The following PARVA variants were observed in gnomAD, a reference collection of about 807,000 sequenced individuals.
PARVA encodes alpha-parvin.
PARVA carries 25 observed loss-of-function variants against 52.6 expected under a neutral mutation model. The observed-to-expected ratio is 0.48, with a 90% CI of 0.35 to 0.66. The LOEUF (loss-of-function observed/expected upper bound fraction) is 0.66, where lower values mean the gene tolerates loss of function less well. PARVA is among the 30% of genes least tolerant of loss of function. PARVA has a pLI of 0.01. For synonymous variants in PARVA, 185 were observed against 179.1 expected, an observed-to-expected ratio of 1.03 and a Z score of -0.26; for missense variants, 373 against 450.9, an observed-to-expected ratio of 0.83 and a Z score of 1.56.
intron 1 of PARVA, among the ~76,000 whole-genome samples, chr11:12,404,507 G>T (rs1365629832): frequency 1.3e-5 from 2 of 152,262 alleles, no homozygotes; most frequent in Non-Finnish European, 2.9e-5. Context: ...CACAGAAGCA[G>T]AATTTGAAGT....
At chr11:12,449,796 G>A (rs1316916971) in intron 1 of PARVA, among the ~76,000 whole-genome samples, 1 of 152,200 alleles carries the variant, frequency 6.6e-6, no homozygotes, top group African/African-American at 2.4e-5. Flanking sequence ...TCTACAGTGT[G>A]CAGAACAGCC....
At chr11:12,447,862 G>A (rs780819233) in intron 1 of PARVA, among the ~76,000 whole-genome samples, 5 of 152,330 alleles carry the variant, frequency 3.3e-5, no homozygotes, top group Non-Finnish European at 1.5e-5. Flanking sequence ...GACCCCTGTT[G>A]AGGGCCCTGC....
chr11:12,421,175 T>C (rs955656433), intron 1 of PARVA, among the ~76,000 whole-genome samples: 1 of 152,128 alleles, frequency 6.6e-6, no homozygotes, highest in Non-Finnish European at 1.5e-5. Context: ...ACTAAGGATC[T>C]GACCCAGCTA....
At chr11:12,472,896 T>C (rs1940951601) in intron 1 of PARVA, among the ~76,000 whole-genome samples, 1 of 152,152 alleles carries the variant, frequency 6.6e-6, no homozygotes, top group Non-Finnish European at 1.5e-5. Context: ...GTCACACAAC[T>C]GGTTTTGTGG....
At chr11:12,439,487 G>A (rs138722604) in intron 1 of PARVA, among the ~76,000 whole-genome samples, 13 of 152,336 alleles carry the variant, frequency 8.5e-5, no homozygotes, top group Admixed American at 4.6e-4. Flanking sequence ...ATGGGAGCAT[G>A]AAGTAGATGT....
At chr11:12,449,636 A>G (rs1386637816) in intron 1 of PARVA, among the ~76,000 whole-genome samples, 1 of 152,166 alleles carries the variant, frequency 6.6e-6, no homozygotes, top group African/African-American at 2.4e-5. Context: ...CTAGATCAGT[A>G]GTTCTCCATG....
chr11:12,527,039 T>A (rs1941712339), intron 12 of PARVA, among the ~76,000 whole-genome samples: 1 of 152,180 alleles, frequency 6.6e-6, no homozygotes, highest in Non-Finnish European at 1.5e-5. Context: ...GCAAGCTCTG[T>A]AACTTGGAAT....
In PARVA at chr11:12,473,795, C is replaced by G; in HGVS notation, c.187C>G (p.Pro63Ala). The change falls in exon 2 of 13, where the codon CCA (proline) becomes GCA (alanine). Residue 63 changes from proline (P) to alanine (A), a missense_variant. Transcript: ENST00000334956. Reference protein sequence around the residue: ...GMNAINLPLSPIPFELDPEDT... With the variant: ...GMNAINLPLSAIPFELDPEDT... The stretch of plus-strand genomic sequence containing the variant: ...GAACGCCATCAACCTGCCCCTCAGC[C>G]CAATTCCCTTTGAGCTGGACCCCGA... 6.4e-7 allele frequency: 1 copy of G among 1,572,176 alleles called. No individual in the cohort carries two copies. The highest frequency in any genetic ancestry group is 2.4e-5 in the East Asian group (1 of 42,430).
intron 4 of PARVA, chr11:12,480,419 G>A (rs879645858): frequency 2.6e-5 from 4 of 152,058 alleles, no homozygotes; most frequent in East Asian, 1.9e-4. Flanking sequence ...GCCTCACCAC[G>A]CATCTGTCCC....
intron 5 of PARVA, among the ~76,000 whole-genome samples, chr11:12,497,485 A>C (rs1226917989): frequency 6.6e-6 from 1 of 152,246 alleles, no homozygotes; most frequent in Non-Finnish European, 1.5e-5. Flanking sequence ...CTTCACCTCT[A>C]AAGTTAGAAA....
At chr11:12,519,583 A>C (rs1044146830) in intron 12 of PARVA, among the ~76,000 whole-genome samples, 1 of 152,174 alleles carries the variant, frequency 6.6e-6, no homozygotes, top group African/African-American at 2.4e-5. Context: ...GAACAGTTTG[A>C]TGGAGACAGT....
chr11:12,468,482 G>A (rs925679814), intron 1 of PARVA, among the ~76,000 whole-genome samples: 5 of 152,102 alleles, frequency 3.3e-5, no homozygotes, highest in Non-Finnish European at 7.4e-5. Flanking sequence ...AAAAATCAGG[G>A]GGAAATTACC....
intron 1 of PARVA, among the ~76,000 whole-genome samples, chr11:12,414,748 G>GT (rs1233280017): frequency 6.6e-6 from 1 of 151,916 alleles, no homozygotes; most frequent in African/African-American, 2.4e-5. Context: ...ATTGTGAAAA[G>GT]TAATTCAAAA....
At chr11:12,429,776 T>G (rs552044063) in intron 1 of PARVA, among the ~76,000 whole-genome samples, 1 of 152,336 alleles carries the variant, frequency 6.6e-6, no homozygotes, top group East Asian at 1.9e-4. Flanking sequence ...GCGATGACCT[T>G]GAGCAGTAGG....
intron 1 of PARVA, among the ~76,000 whole-genome samples, chr11:12,453,187 C>G (rs1940647953): frequency 6.6e-6 from 1 of 151,952 alleles, no homozygotes. Flanking sequence ...ATCATCCTGA[C>G]CTGCCTTATT....
intron 1 of PARVA, among the ~76,000 whole-genome samples, chr11:12,450,254 C>T (rs1358885563): frequency 6.6e-6 from 1 of 152,168 alleles, no homozygotes; most frequent in African/African-American, 2.4e-5. Context: ...ATCTTTGCCG[C>T]CACCCCATGG....
intron 1 of PARVA, among the ~76,000 whole-genome samples, chr11:12,455,351 G>A (rs1020408486): frequency 4.3e-4 from 65 of 152,322 alleles, no homozygotes; most frequent in African/African-American, 1.4e-3. Flanking sequence ...CAGGATAAAT[G>A]TTAGATTATT....
At chr11:12,478,095 G>C (rs1159434841) in intron 4 of PARVA, 146 bp downstream of exon 4, 4 of 723,364 alleles carry the variant, frequency 5.5e-6, no homozygotes, top group Non-Finnish European at 1.0e-5. Flanking sequence ...TAACAGCTCA[G>C]TGAAGGCTTT....
intron 1 of PARVA, among the ~76,000 whole-genome samples, chr11:12,469,709 T>C (rs1250605494): frequency 6.6e-6 from 1 of 152,242 alleles, no homozygotes; most frequent in African/African-American, 2.4e-5. Context: ...ATGGGAATGA[T>C]GTTCCTGTAC....
Sources: allele counts gnomAD v4.1 joint callset (sites outside exome capture counted in the v4.1 genomes callset), GRCh38; gene constraint gnomAD v4.1.1; transcripts MANE v1.5; gene names NCBI Gene and HGNC (gene_info 2026-07-23, HGNC 2026-07-21).